Variants in CLIC5 observed in about 807,000 individuals in gnomAD.
The protein encoded by CLIC5 is CLIC family member 5.
In CLIC5, 20 loss-of-function variants were observed where a neutral mutation model predicts 24.7. The observed-to-expected ratio is 0.81, with a 90% CI of 0.57 to 1.18. The LOEUF (loss-of-function observed/expected upper bound fraction) is 1.18. Among genes scored for constraint, CLIC5 ranks in the 50% most tolerant of loss-of-function variants. The pLI, the probability that CLIC5 is intolerant of heterozygous loss-of-function variation, is 0.00. For missense variants in CLIC5, 341 were observed against 326.1 expected, an observed-to-expected ratio of 1.05 and a Z score of -0.35; for synonymous variants, 159 against 135.6, an observed-to-expected ratio of 1.17 and a Z score of -1.20.
the CLIC5 span, among the ~76,000 whole-genome samples, chr6:46,122,034 T>C: frequency 1.3e-5 from 2 of 152,092 alleles, no homozygotes; most frequent in East Asian, 3.9e-4. Context: ...GAGAGAAAGT[T>C]AACAAGGATA....
intron 1 of CLIC5, among the ~76,000 whole-genome samples, chr6:45,997,175 T>C (rs1766175460): frequency 6.6e-6 from 1 of 150,786 alleles, no homozygotes; most frequent in Non-Finnish European, 1.5e-5. Flanking sequence ...TATGCAGCCA[T>C]AAAAAATGAT....
At chr6:45,972,145 T>G (rs562313474) in intron 1 of CLIC5, among the ~76,000 whole-genome samples, 1 of 152,358 alleles carries the variant, frequency 6.6e-6, no homozygotes, top group Admixed American at 6.5e-5. Flanking sequence ...CAAGGACTTT[T>G]ACTGTATAGC....
chr6:46,075,003 T>C (rs1028702823), intron 1 of CLIC5, among the ~76,000 whole-genome samples: 1 of 152,236 alleles, frequency 6.6e-6, no homozygotes, highest in Admixed American at 6.5e-5. Flanking sequence ...CAAAGCACTA[T>C]GCTTAAAATA....
the CLIC5 span, among the ~76,000 whole-genome samples, chr6:46,097,696 C>A: frequency 6.6e-6 from 1 of 152,218 alleles, no homozygotes; most frequent in Admixed American, 6.5e-5. Context: ...ACATGATTCA[C>A]AAGTACCCTA....
the CLIC5 span, among the ~76,000 whole-genome samples, chr6:46,095,437 T>A: frequency 6.6e-6 from 1 of 152,230 alleles, no homozygotes; most frequent in Non-Finnish European, 1.5e-5. Context: ...TGCTCATGTA[T>A]ATGAACATAA....
At position 45,958,445 on chromosome 6, in the gene CLIC5, T is replaced by TACACACACACACACACACACACAC. The variant is rs1414421064; in HGVS notation, c.64-3202_64-3201insGTGTGTGTGTGTGTGTGTGTGTGT. 2.3e-3 allele frequency among the ~76,000 whole-genome samples: 178 copies of TACACACACACACACACACACACAC among 76,424 alleles called. 9 individuals are homozygous for TACACACACACACACACACACACAC. The highest frequency in any genetic ancestry group is 7.2e-3 in the Middle Eastern group (1 of 138). 50.1% of individuals were successfully genotyped at this position (76,424 alleles called of 152,430 possible). On this transcript the variant is annotated intron_variant, in intron 1 of 5. Coordinates refer to ENST00000339561, the MANE Select transcript of CLIC5 (RefSeq NM_016929.5). ...AATTATATATATATATATATATATA[T>TACACACACACACACACACACACAC]ATATATATATATATATATATATATA...
At chr6:45,932,497 T>C (rs953483503) in intron 4 of CLIC5, among the ~76,000 whole-genome samples, 1 of 152,232 alleles carries the variant, frequency 6.6e-6, no homozygotes, top group African/African-American at 2.4e-5. Context: ...TACGTTTACT[T>C]TAAGAGTCTT....
At chr6:45,912,539 A>G in intron 5 of CLIC5, 1 of 1,384,976 alleles carries the variant, frequency 7.2e-7, no homozygotes, top group Non-Finnish European at 9.4e-7. Flanking sequence ...AAAGAAGGCA[A>G]GAAGGAATAC....
Position 46,080,082 on chromosome 6 carries a change from T to C in CLIC5, c.161A>G (p.His54Arg), listed in dbSNP as rs992147495. The C allele has an allele frequency of 2.0e-5, 31 of 1,551,526 alleles. No homozygotes were observed. Among genetic ancestry groups the C allele is most frequent in the East Asian group, 2.4e-5 (1 of 40,932 alleles). The change falls in exon 1 of 6, where the codon CAT becomes CGT. Residue 54 changes from histidine (H) to arginine (R), a missense_variant. By Grantham distance (29) the His-to-Arg change is conservative. Transcript: ENST00000185206. The stretch of plus-strand genomic sequence containing the variant: ...ATAGACTGACACAAAATCATACTCA[T>C]GGGTATTCAGCTGAGTGGCATATAA...
intron 1 of CLIC5, among the ~76,000 whole-genome samples, chr6:45,983,608 T>C (rs578003278): frequency 6.6e-6 from 1 of 152,298 alleles, no homozygotes; most frequent in Admixed American, 6.5e-5. Flanking sequence ...ATGGACTGGC[T>C]GGCATGTAGG....
At chr6:46,079,879 C>T in exon 1 of CLIC5, 1 of 1,552,090 alleles carries the variant, frequency 6.4e-7, no homozygotes, top group Non-Finnish European at 8.7e-7. Context: ...TGGAGTTCTG[C>T]TGCGCAGAGT....
chr6:46,059,513 T>C (rs539853868), intron 1 of CLIC5, among the ~76,000 whole-genome samples: 3 of 152,338 alleles, frequency 2.0e-5, no homozygotes, highest in African/African-American at 7.2e-5. Flanking sequence ...ATATGGCTGC[T>C]TCTCAGAAAC....
At chr6:46,076,042 T>A (rs1040068628) in intron 1 of CLIC5, among the ~76,000 whole-genome samples, 6 of 152,212 alleles carry the variant, frequency 3.9e-5, no homozygotes, top group Admixed American at 6.5e-5. Flanking sequence ...AAACTGTTTT[T>A]CCCTGTTACT....
chr6:45,960,957 A>G (rs1764824985), intron 1 of CLIC5, among the ~76,000 whole-genome samples: 1 of 152,138 alleles, frequency 6.6e-6, no homozygotes, highest in East Asian at 1.9e-4. Flanking sequence ...GTTTCCTTAT[A>G]TGTCATGGTT....
chr6:46,122,366 T>C, the CLIC5 span, among the ~76,000 whole-genome samples: 1 of 152,220 alleles, frequency 6.6e-6, no homozygotes, highest in Non-Finnish European at 1.5e-5. Flanking sequence ...GAAATAAAGA[T>C]GTTCTTTGAA....
At chr6:45,945,540 T>C (rs1167902431) in intron 3 of CLIC5, among the ~76,000 whole-genome samples, 1 of 152,148 alleles carries the variant, frequency 6.6e-6, no homozygotes, top group Admixed American at 6.5e-5. Context: ...TTCCAAAAAC[T>C]ACAGGATGGA....
At chr6:46,044,794 T>A (rs2127462200) in intron 1 of CLIC5, among the ~76,000 whole-genome samples, 1 of 152,260 alleles carries the variant, frequency 6.6e-6, no homozygotes, top group East Asian at 1.9e-4. Context: ...AAAGTTACAA[T>A]CTAAACTATA....
chr6:45,884,729 T>G (rs1762289781), intron 6 of CLIC5, among the ~76,000 whole-genome samples: 1 of 152,104 alleles, frequency 6.6e-6, no homozygotes, highest in African/African-American at 2.4e-5. Context: ...GGTAGACTAC[T>G]TTTTCTATTA....
intron 1 of CLIC5, among the ~76,000 whole-genome samples, chr6:46,041,170 G>A (rs967314466): frequency 1.3e-5 from 2 of 152,224 alleles, no homozygotes; most frequent in African/African-American, 4.8e-5. Context: ...TGTTCAGAGA[G>A]TGTGCATTTG....
Sources: allele counts gnomAD v4.1 joint callset (sites outside exome capture counted in the v4.1 genomes callset), GRCh38; gene constraint gnomAD v4.1.1; transcripts MANE v1.5; gene names NCBI Gene and HGNC (gene_info 2026-07-23, HGNC 2026-07-21).